The following ANGPT1 variants were observed in gnomAD, a reference collection of about 807,000 sequenced individuals.
ANGPT1 encodes angiopoietin-1.
In ANGPT1, 17 loss-of-function variants were observed where a neutral mutation model predicts 62.2. That is an observed-to-expected ratio of 0.27 (90% CI 0.19 to 0.41). The LOEUF (loss-of-function observed/expected upper bound fraction) is 0.41, where lower values mean the gene tolerates loss of function less well. Ranked by LOEUF, ANGPT1 falls within the 10% of genes least tolerant of loss-of-function variation. ANGPT1 has a pLI of 1.00. For missense variants in ANGPT1, 478 were observed against 594.9 expected (o/e 0.80, Z 2.04); for synonymous variants, 199 against 198.9 (o/e 1.00, Z 0.00).
At chr8:107,475,941 G>T (rs547016519) in intron 1 of ANGPT1, among the ~76,000 whole-genome samples, 6 of 152,308 alleles carry the variant, frequency 3.9e-5, no homozygotes, top group African/African-American at 1.4e-4. Context: ...AACAACAGGT[G>T]CTGGAGAGGA....
chr8:107,274,066 C>T (rs929091481), intron 7 of ANGPT1, among the ~76,000 whole-genome samples: 2 of 151,984 alleles, frequency 1.3e-5, no homozygotes, highest in African/African-American at 4.8e-5. Flanking sequence ...AACTATTAGC[C>T]CCACAAGAGA....
At chr8:107,326,618 C>G (rs1194593268) in intron 3 of ANGPT1, among the ~76,000 whole-genome samples, 1 of 152,012 alleles carries the variant, frequency 6.6e-6, no homozygotes, top group South Asian at 2.1e-4. Flanking sequence ...GTCATTACTT[C>G]CAAAATGGTT....
intron 4 of ANGPT1, among the ~76,000 whole-genome samples, chr8:107,319,938 C>A (rs540565337): frequency 3.1e-4 from 47 of 152,190 alleles, no homozygotes; most frequent in African/African-American, 1.1e-3. Context: ...ATTAGGCAAT[C>A]ACCTTAAATT....
At chr8:107,283,552 G>C (rs955498147) in intron 7 of ANGPT1, among the ~76,000 whole-genome samples, 1 of 152,006 alleles carries the variant, frequency 6.6e-6, no homozygotes, top group Admixed American at 6.6e-5. Context: ...GGTTTGTCTT[G>C]AAAAGACAAA....
chr8:107,358,235 C>T (rs1407299188), intron 1 of ANGPT1, among the ~76,000 whole-genome samples: 3 of 152,084 alleles, frequency 2.0e-5, no homozygotes, highest in Non-Finnish European at 1.5e-5. Flanking sequence ...TAATTTTTTT[C>T]TGAATAATAT....
chr8:107,281,738 A>T (rs907277419), intron 7 of ANGPT1, among the ~76,000 whole-genome samples: 1 of 152,288 alleles, frequency 6.6e-6, no homozygotes, highest in East Asian at 1.9e-4. Context: ...AGATCGCGCC[A>T]TTGCACTCCA....
rs572444093 is a variant in ANGPT1, at chr8:107,308,219, C to T, written c.809-4852G>A. Among the ~76,000 whole-genome samples the T allele has an allele frequency of 2.9e-5, 4 of 136,158 alleles. No individual in the cohort carries two copies. In the South Asian group the frequency reaches 7.2e-4, roughly 24 times the overall value. The allele number at this position is 136,158 out of a possible 152,430, so 89.3% of individuals were successfully genotyped here. On this transcript the variant is annotated intron_variant, in intron 4 of 8. Coordinates refer to ENST00000517746, the MANE Select transcript of ANGPT1 (RefSeq NM_001146.5). ...ATGCGAAAAAGATCTTCCATGAACG[C>T]TATACCCATGATTAGTAACTTTTAT...
chr8:107,440,055 T>A (rs1038370276), intron 1 of ANGPT1, among the ~76,000 whole-genome samples: 12 of 152,090 alleles, frequency 7.9e-5, no homozygotes, highest in Non-Finnish European at 1.2e-4. Context: ...TTCCCCATGT[T>A]TAGATTTAGG....
At chr8:107,443,380 T>C (rs974391020) in intron 1 of ANGPT1, among the ~76,000 whole-genome samples, 2 of 152,226 alleles carry the variant, frequency 1.3e-5, no homozygotes, top group African/African-American at 4.8e-5. Context: ...TTGAGAAAGT[T>C]AATTAGCTAA....
intron 8 of ANGPT1, among the ~76,000 whole-genome samples, chr8:107,261,610 C>A (rs766943410): frequency 4.6e-5 from 7 of 150,632 alleles, no homozygotes; most frequent in Non-Finnish European, 1.0e-4. Flanking sequence ...GAGGCTGAGG[C>A]AGGAGAATGG....
In ANGPT1 at chr8:107,371,559, T is replaced by C. The variant is rs114350370; in HGVS notation, c.298-24462A>G. The stretch of plus-strand genomic sequence containing the variant: ...AATCCTTCTTCAATCCCCTCTCTCT[T>C]GGTGCTGAGCATTCTTTTTTTTTTT... On this transcript the variant is annotated intron_variant, in intron 1 of 8. Transcript: ENST00000517746. Among the ~76,000 whole-genome samples, 509 of 147,294 alleles carry C rather than the reference T, an allele frequency of 3.5e-3. 4 individuals are homozygous for C. Among genetic ancestry groups the C allele is most frequent in the African/African-American group, 0.012 (490 of 40,248 alleles).
intron 1 of ANGPT1, among the ~76,000 whole-genome samples, chr8:107,481,148 A>AT (rs1325867428): frequency 2.0e-5 from 3 of 152,106 alleles, no homozygotes; most frequent in Admixed American, 2.0e-4. Context: ...AACAAGGGCA[A>AT]TTTTTCAAGA....
chr8:107,406,030 T>C (rs963553928), intron 1 of ANGPT1, among the ~76,000 whole-genome samples: 12 of 151,994 alleles, frequency 7.9e-5, no homozygotes, highest in African/African-American at 2.9e-4. Context: ...AGAGTGTTCA[T>C]ACTTCTATGT....
chr8:107,444,897 G>T (rs1355765866), intron 1 of ANGPT1, among the ~76,000 whole-genome samples: 1 of 152,290 alleles, frequency 6.6e-6, no homozygotes, highest in Non-Finnish European at 1.5e-5. Context: ...AACCCGGGGA[G>T]TGAACTATAA....
intron 1 of ANGPT1, among the ~76,000 whole-genome samples, chr8:107,443,538 G>A (rs1349287909): frequency 6.6e-6 from 1 of 152,004 alleles, no homozygotes; most frequent in African/African-American, 2.4e-5. Flanking sequence ...GCCGGGTGCG[G>A]TGGCTCACGC....
intron 7 of ANGPT1, among the ~76,000 whole-genome samples, chr8:107,277,990 A>T (rs1219831066): frequency 6.6e-6 from 1 of 152,186 alleles, no homozygotes; most frequent in South Asian, 2.1e-4. Context: ...TATAGAATAT[A>T]TAATTAAAAA....
intron 1 of ANGPT1, among the ~76,000 whole-genome samples, chr8:107,389,535 A>G (rs1004914249): frequency 6.6e-6 from 1 of 152,150 alleles, no homozygotes; most frequent in African/African-American, 2.4e-5. Flanking sequence ...AGTCTCTGTT[A>G]GTTCCATTGC....
chr8:107,388,768 A>G (rs1270285726), intron 1 of ANGPT1, among the ~76,000 whole-genome samples: 1 of 152,168 alleles, frequency 6.6e-6, no homozygotes, highest in Non-Finnish European at 1.5e-5. Context: ...GCTGAAGAGT[A>G]TGGAGCATTT....
intron 1 of ANGPT1, among the ~76,000 whole-genome samples, chr8:107,388,838 T>C (rs900181023): frequency 2.0e-5 from 3 of 152,182 alleles, no homozygotes; most frequent in African/African-American, 7.2e-5. Context: ...AAATTAACAC[T>C]AGAAGTTACT....
Sources: allele counts gnomAD v4.1 joint callset (sites outside exome capture counted in the v4.1 genomes callset), GRCh38; gene constraint gnomAD v4.1.1; transcripts MANE v1.5; gene names NCBI Gene and HGNC (gene_info 2026-07-23, HGNC 2026-07-21).